Variants in LGR5 observed in about 807,000 individuals in gnomAD.
LGR5 encodes the protein leucine-rich repeat-containing G protein-coupled receptor 5.
In LGR5, 54 loss-of-function variants were observed where a neutral mutation model predicts 76.7. That is an observed-to-expected ratio of 0.70 (90% CI 0.57 to 0.88). The LOEUF is 0.88. Among genes scored for constraint, LGR5 ranks in the 40% least tolerant of loss-of-function variants. The pLI, the probability that LGR5 is intolerant of heterozygous loss-of-function variation, is 0.00. For missense variants in LGR5, 1,078 were observed against 1,073.3 expected, an observed-to-expected ratio of 1.00 and a Z score of -0.06; for synonymous variants, 406 against 421.9, an observed-to-expected ratio of 0.96 and a Z score of 0.46.
chr12:71,446,858 A>G (rs529743703), intron 1 of LGR5, among the ~76,000 whole-genome samples: 16 of 152,338 alleles, frequency 1.1e-4, no homozygotes, highest in African/African-American at 3.8e-4. Flanking sequence ...ATCTTTTTAT[A>G]TATCCATTTT....
intron 1 of LGR5, among the ~76,000 whole-genome samples, chr12:71,468,340 T>C (rs1872943880): frequency 6.6e-6 from 1 of 152,090 alleles, no homozygotes; most frequent in Non-Finnish European, 1.5e-5. Context: ...AAAGAATGTC[T>C]CTACCCAAAG....
chr12:71,519,443 C>G (rs1409936361), intron 2 of LGR5, among the ~76,000 whole-genome samples: 2 of 151,992 alleles, frequency 1.3e-5, no homozygotes, highest in Non-Finnish European at 2.9e-5. Flanking sequence ...ATTAGAATAC[C>G]AGCTCCATGA....
intron 1 of LGR5, among the ~76,000 whole-genome samples, chr12:71,502,893 A>T (rs1403097082): frequency 6.6e-6 from 1 of 152,258 alleles, no homozygotes; most frequent in African/African-American, 2.4e-5. Flanking sequence ...TTCTGCAGAT[A>T]AACAAGATCA....
At chr12:71,549,335 G>A (rs1210496183) in intron 4 of LGR5, among the ~76,000 whole-genome samples, 1 of 152,110 alleles carries the variant, frequency 6.6e-6, no homozygotes, top group African/African-American at 2.4e-5. Context: ...GGGGTACAAA[G>A]CTTCAGTTAG....
At chr12:71,582,265 C>T (rs1879124099) in intron 16 of LGR5, 191 bp from the exon 17 acceptor site, 1 of 538,288 alleles carries the variant, frequency 1.9e-6, no homozygotes, top group East Asian at 3.1e-5. Flanking sequence ...CCCAGTTGTA[C>T]TAGAATAGTA....
At chr12:71,538,772 C>A (rs759344878) in intron 4 of LGR5, among the ~76,000 whole-genome samples, 1 of 151,948 alleles carries the variant, frequency 6.6e-6, no homozygotes, top group African/African-American at 2.4e-5. Context: ...GTGGGAGGAT[C>A]ATTTGAGCCC....
chr12:71,514,567 CA>C (rs11417758), intron 2 of LGR5, among the ~76,000 whole-genome samples: 30 of 136,250 alleles, frequency 2.2e-4, no homozygotes, highest in Admixed American at 3.0e-4. Context: ...GACTCCCTCT[CA>C]AAAAAAAAAA....
chr12:71,464,599 G>GAATTATATCACATAAGCTAC (rs1872790428), intron 1 of LGR5, among the ~76,000 whole-genome samples: 1 of 152,054 alleles, frequency 6.6e-6, no homozygotes, highest in Non-Finnish European at 1.5e-5. Flanking sequence ...AGAAAAATCA[G>GAATTATATCACATAAGCTAC]AATTATATCA....
intron 1 of LGR5, among the ~76,000 whole-genome samples, chr12:71,448,086 C>CACAA (rs1555209832): frequency 5.7e-5 from 7 of 123,312 alleles, no homozygotes; most frequent in African/African-American, 2.4e-4. Flanking sequence ...CACACACAAA[C>CACAA]ACACACACAC....
intron 3 of LGR5, 43 bp downstream of exon 3, chr12:71,524,520 G>A: frequency 7.4e-7 from 1 of 1,358,216 alleles, no homozygotes; most frequent in Non-Finnish European, 1.1e-6. Flanking sequence ...TGATTTTAGT[G>A]TCAAATGGCT....
intron 4 of LGR5, among the ~76,000 whole-genome samples, chr12:71,544,415 T>A (rs1877051984): frequency 6.7e-6 from 1 of 149,264 alleles, no homozygotes; most frequent in Non-Finnish European, 1.5e-5. Flanking sequence ...AGATGGTGAT[T>A]AGAAAGACAA....
At chr12:71,495,899 T>G (rs1219936127) in intron 1 of LGR5, among the ~76,000 whole-genome samples, 1 of 152,046 alleles carries the variant, frequency 6.6e-6, no homozygotes, top group African/African-American at 2.4e-5. Flanking sequence ...GCAAGTATGT[T>G]TTACTTCTAA....
rs757649365 is a variant in LGR5, at chr12:71,584,205, T to C, written c.2195T>C (p.Leu732Pro). The C allele has an allele frequency of 2.5e-6, 4 of 1,614,168 alleles. 1 individual carries two copies. The South Asian group carries it at 3.3e-5, about 13-fold the overall frequency. The change falls in exon 18 of 18, where the codon CTC (leucine) becomes CCC (proline). Residue 732 changes from leucine to proline, a missense_variant. Coordinates refer to ENST00000266674, the MANE Select transcript of LGR5 (RefSeq NM_003667.4). ...GGCTACATGGTCGCTCTCATCTTGC[T>C]CAATTCCCTTTGCTTCCTCATGATG... The part of the protein sequence containing the change: ...TMGYMVALIL[L>P]NSLCFLMMTI...
intron 1 of LGR5, among the ~76,000 whole-genome samples, chr12:71,449,503 T>C (rs191160544): frequency 6.6e-6 from 1 of 152,224 alleles, no homozygotes; most frequent in East Asian, 1.9e-4. Context: ...CATTTGAAGA[T>C]CTTAAAAGGT....
Position 71,440,108 on chromosome 12 carries a change from C to T in LGR5, c.28C>T (p.Leu10=), listed in dbSNP as rs747169147. The T allele has an allele frequency of 1.2e-6, 2 of 1,606,102 alleles. No individual in the cohort carries two copies. The highest frequency in any genetic ancestry group is 8.5e-7 in the Non-Finnish European group (1 of 1,179,872). ...GGACACCTCCCGGCTCGGTGTGCTC[C>T]TGTCCTTGCCTGTGCTGCTGCAGCT... MDTSRLGVL[L]SLPVLLQLAT... The change falls in exon 1 of 18, where the codon CTG becomes TTG. Residue 10 remains leucine (L), a synonymous_variant. Coordinates refer to ENST00000266674, the MANE Select transcript of LGR5 (RefSeq NM_003667.4). This position sits in a 1 kb window ranked among gnomAD's most constrained non-coding sequence, Gnocchi z 5.3.
intron 1 of LGR5, among the ~76,000 whole-genome samples, chr12:71,456,187 T>C (rs55770014): frequency 0.067 from 10,122 of 152,180 alleles, 393 homozygotes; most frequent in Non-Finnish European, 0.087. Context: ...AATTCAAATT[T>C]AGATAAGTCC....
intron 3 of LGR5, among the ~76,000 whole-genome samples, chr12:71,530,096 A>G (rs1876227485): frequency 6.6e-6 from 1 of 152,146 alleles, no homozygotes; most frequent in Non-Finnish European, 1.5e-5. Flanking sequence ...TTTCTTCTTT[A>G]TAATACATTT....
At chr12:71,522,708 A>G (rs574150217) in intron 2 of LGR5, among the ~76,000 whole-genome samples, 21 of 152,184 alleles carry the variant, frequency 1.4e-4, no homozygotes, top group Non-Finnish European at 3.1e-4. Context: ...GAGGAATACA[A>G]TACAGTAGCT....
chr12:71,560,699 C>T (rs1241078045), intron 7 of LGR5, among the ~76,000 whole-genome samples: 1 of 152,122 alleles, frequency 6.6e-6, no homozygotes, highest in Non-Finnish European at 1.5e-5. Context: ...GGCTGAGGCA[C>T]GAGAATTGCT....
Sources: allele counts gnomAD v4.1 joint callset (sites outside exome capture counted in the v4.1 genomes callset), GRCh38; gene constraint gnomAD v4.1.1; non-coding constraint Gnocchi (gnomAD v3.1); transcripts MANE v1.5; gene names NCBI Gene and HGNC (gene_info 2026-07-23, HGNC 2026-07-21).